The following ROBO2 variants were observed in gnomAD, a reference collection of about 807,000 sequenced individuals.
The protein encoded by ROBO2 is roundabout homolog 2.
ROBO2 carries 53 observed loss-of-function variants against 160.8 expected under a neutral mutation model. The observed-to-expected ratio is 0.33, with a 90% CI of 0.26 to 0.41. The LOEUF (loss-of-function observed/expected upper bound fraction) is 0.41, where lower values mean the gene tolerates loss of function less well. Among genes scored for constraint, ROBO2 ranks in the 10% least tolerant of loss-of-function variants. The probability of loss-of-function intolerance (pLI) is 1.00; values close to 1 mark genes in which losing one functional copy is unlikely to be tolerated. For synonymous variants in ROBO2, 664 were observed against 611.7 expected (o/e 1.09, Z -1.26); for missense variants, 1,577 against 1,722.4 (o/e 0.92, Z 1.49).
chr3:77,071,032 A>G lies in ROBO2; in HGVS notation c.62-26982A>G, dbSNP rs184767506. On this transcript the variant is annotated intron_variant, in intron 1 of 25. Transcript: ENST00000461745. ...TCTTTATCCATTTTTGTTTACTCAT[A>G]TATTTATATGAGTACCAGCAGACTA... Among the ~76,000 whole-genome samples the G allele has an allele frequency of 7.8e-4, 119 of 152,242 alleles. 1 individual carries two copies. Among genetic ancestry groups the G allele is most frequent in the Non-Finnish European group, 1.3e-3 (88 of 68,018 alleles).
At chr3:77,472,724 G>A (rs6803819) in intron 2 of ROBO2, among the ~76,000 whole-genome samples, 24,921 of 151,898 alleles carry the variant, frequency 0.16, 2,163 homozygotes, top group South Asian at 0.24. Flanking sequence ...TTTAAATGAA[G>A]TTTTAAAAAT....
At chr3:76,300,910 T>C (rs1325556012) in intron 2 of ROBO2, among the ~76,000 whole-genome samples, 1 of 152,080 alleles carries the variant, frequency 6.6e-6, no homozygotes, top group Non-Finnish European at 1.5e-5. Context: ...GAAGTAATTG[T>C]GAGTCATGGT....
At chr3:77,033,915 G>A (rs900445748) in intron 2 of ROBO2, among the ~76,000 whole-genome samples, 2 of 151,672 alleles carry the variant, frequency 1.3e-5, no homozygotes, top group African/African-American at 2.4e-5. Flanking sequence ...CTTAAATTAC[G>A]TTAAAACTGA....
chr3:77,633,294 T>C (rs1233943937), intron 23 of ROBO2: 1 of 152,192 alleles, frequency 6.6e-6, no homozygotes, highest in Admixed American at 6.5e-5. Context: ...TAATTTAATT[T>C]TGATTTCTGA....
At chr3:76,829,644 C>CCTTTG (rs1185744066) in intron 2 of ROBO2, among the ~76,000 whole-genome samples, 2 of 147,756 alleles carry the variant, frequency 1.4e-5, no homozygotes, top group South Asian at 2.1e-4. Flanking sequence ...TTTTCCCTTT[C>CCTTTG]CTTTCCTTTT....
chr3:76,754,704 C>T (rs898298880), intron 2 of ROBO2, among the ~76,000 whole-genome samples: 13 of 151,934 alleles, frequency 8.6e-5, no homozygotes, highest in South Asian at 8.3e-4. Flanking sequence ...CATGCATAGA[C>T]GCCTCAAGGT....
At chr3:77,025,211 T>C (rs1163159565) in intron 2 of ROBO2, among the ~76,000 whole-genome samples, 2 of 152,228 alleles carry the variant, frequency 1.3e-5, no homozygotes, top group Admixed American at 1.3e-4. Context: ...GGTCAATTAA[T>C]GTCCTTTGCA....
intron 3 of ROBO2, among the ~76,000 whole-genome samples, chr3:77,479,255 A>G (rs976252900): frequency 3.3e-5 from 5 of 152,226 alleles, no homozygotes; most frequent in Non-Finnish European, 7.3e-5. Context: ...AACAACCCCA[A>G]GAAGAATAGT....
At chr3:76,957,650 A>G (rs1577830654) in intron 2 of ROBO2, among the ~76,000 whole-genome samples, 1 of 151,770 alleles carries the variant, frequency 6.6e-6, no homozygotes, top group South Asian at 2.1e-4. Context: ...GACCAACATG[A>G]TGAAACCCCG....
chr3:76,916,201 C>G (rs930610384), intron 2 of ROBO2, among the ~76,000 whole-genome samples: 7 of 152,160 alleles, frequency 4.6e-5, no homozygotes, highest in Non-Finnish European at 8.8e-5. Context: ...TGCTCTTTTA[C>G]TTGACATTTG....
At chr3:75,927,976 CTTTTTTTTTTTTTTT>C (rs71101865) in intron 1 of ROBO2, among the ~76,000 whole-genome samples, 2 of 104,002 alleles carry the variant, frequency 1.9e-5, no homozygotes, top group Non-Finnish European at 3.6e-5. Context: ...GATTTTCTCT[CTTTTTTTTTTTTTTT>C]TTTTTTTTTT....
At chr3:77,166,552 GT>G (rs147049519) in intron 2 of ROBO2, among the ~76,000 whole-genome samples, 1 of 151,430 alleles carries the variant, frequency 6.6e-6, no homozygotes, top group Non-Finnish European at 1.5e-5. Context: ...ACACAGAAGT[GT>G]TTTTTTTGTT....
At chr3:76,026,377 C>G (rs986322325) in intron 2 of ROBO2, among the ~76,000 whole-genome samples, 12 of 151,848 alleles carry the variant, frequency 7.9e-5, no homozygotes, top group Admixed American at 7.9e-4. Flanking sequence ...AAAATTTAAT[C>G]AACCCTTTCT....
chr3:76,037,285 T>C (rs1215431537), intron 2 of ROBO2, among the ~76,000 whole-genome samples: 1 of 147,044 alleles, frequency 6.8e-6, no homozygotes, highest in Non-Finnish European at 1.5e-5. Flanking sequence ...TTAGACAGAG[T>C]ATCACTCTGT....
intron 2 of ROBO2, among the ~76,000 whole-genome samples, chr3:77,240,212 C>T (rs1466806571): frequency 6.6e-5 from 10 of 152,136 alleles, no homozygotes; most frequent in African/African-American, 2.2e-4. Context: ...TGGCAGGCTG[C>T]AGGTCCTGAG....
Position 76,378,913 on chromosome 3 carries a change from G to C in ROBO2, c.109+441311G>C, listed in dbSNP as rs528436593. Among the ~76,000 whole-genome samples the C allele has an allele frequency of 6.5e-4, 99 of 152,322 alleles. 1 individual carries two copies. The highest frequency in any genetic ancestry group is 2.4e-3 in the African/African-American group (99 of 41,588). On this transcript the variant is annotated intron_variant, in intron 2 of 26. Coordinates refer to the ROBO2 transcript ENST00000487694. ...AGAACTTGCAGCAAACGCTGCTGAA[G>C]AGAACTAAATCATGGCCTCTTTGCT...
At chr3:76,695,514 T>A (rs2092908914) in intron 2 of ROBO2, among the ~76,000 whole-genome samples, 1 of 152,226 alleles carries the variant, frequency 6.6e-6, no homozygotes, top group South Asian at 2.1e-4. Flanking sequence ...AAAAGGCTAC[T>A]GTAAATATAA....
intron 2 of ROBO2, among the ~76,000 whole-genome samples, chr3:76,649,062 A>AT (rs2091126684): frequency 6.6e-6 from 1 of 152,096 alleles, no homozygotes; most frequent in African/African-American, 2.4e-5. Context: ...CTTGATTTCA[A>AT]ATCCAGTATA....
At chr3:76,580,198 T>C (rs936676553) in intron 2 of ROBO2, among the ~76,000 whole-genome samples, 2 of 152,138 alleles carry the variant, frequency 1.3e-5, no homozygotes, top group Admixed American at 1.3e-4. Context: ...TAGGTTTATT[T>C]GAGTTTTCTT....
Sources: gnomAD v4.1 joint callset for allele counts (sites outside exome capture counted in the v4.1 genomes callset) on GRCh38, gnomAD v4.1.1 for gene constraint, MANE v1.5 for transcripts, NCBI Gene and HGNC (gene_info 2026-07-23, HGNC 2026-07-21) for gene names.